The following BICDL1 variants were observed in gnomAD, a reference collection of about 807,000 sequenced individuals.
BICDL1 encodes the protein BICD family-like cargo adapter 1.
Under a neutral mutation model 76.8 loss-of-function variants are expected in BICDL1, and 20 were observed. The ratio of observed to expected loss-of-function variants is 0.26; its 90% CI spans 0.18 to 0.38. The LOEUF is 0.38. Among genes scored for constraint, BICDL1 ranks in the 10% least tolerant of loss-of-function variants. The probability of loss-of-function intolerance (pLI) is 1.00; values close to 1 mark genes in which losing one functional copy is unlikely to be tolerated. For missense variants in BICDL1, 700 were observed against 798.6 expected, an observed-to-expected ratio of 0.88 and a Z score of 1.49; for synonymous variants, 383 against 337.1, an observed-to-expected ratio of 1.14 and a Z score of -1.49.
intron 3 of BICDL1, 159 bp from the exon 4 acceptor site, chr12:120,064,574 C>T: frequency 1.6e-6 from 1 of 616,498 alleles, no homozygotes; most frequent in East Asian, 3.5e-5. Context: ...TTCTCTTCAG[C>T]TTAGGGTTTC....
chr12:120,059,782 G>T (rs1953064330), intron 2 of BICDL1, among the ~76,000 whole-genome samples: 1 of 151,868 alleles, frequency 6.6e-6, no homozygotes, highest in Non-Finnish European at 1.5e-5. Flanking sequence ...CACGATCATG[G>T]CTCACTGTAG....
intron 7 of BICDL1, among the ~76,000 whole-genome samples, chr12:120,077,019 G>A (rs1873603293): frequency 2.0e-5 from 3 of 152,216 alleles, no homozygotes; most frequent in African/African-American, 7.2e-5. Flanking sequence ...CCTTTTGGGG[G>A]CAAGGCCCAG....
intron 2 of BICDL1, among the ~76,000 whole-genome samples, chr12:120,043,925 A>T (rs1295568940): frequency 6.6e-6 from 1 of 152,222 alleles, no homozygotes; most frequent in African/African-American, 2.4e-5. Flanking sequence ...ATGTAAACAG[A>T]GTGTGTGATA....
chr12:119,989,271 T>C lies in BICDL1; in HGVS notation c.-598T>C, dbSNP rs7306494. Among the ~76,000 whole-genome samples, 1 of 149,808 alleles carries C rather than the reference T, an allele frequency of 6.7e-6. No homozygotes were observed. The highest frequency in any genetic ancestry group is 1.5e-5 in the Non-Finnish European group (1 of 67,142). On this transcript the variant is annotated 5_prime_UTR_variant, in exon 1 of 10. Transcript: ENST00000548673. ...TCGCCGGGTTGCGCGGCGCGCGATG[T>C]GGAGCCGCCGCCTCGGCCCCTGCAG... is the stretch of plus-strand genomic sequence containing the variant.
chr12:120,051,653 G>T (rs765451361), intron 2 of BICDL1, among the ~76,000 whole-genome samples: 1 of 151,932 alleles, frequency 6.6e-6, no homozygotes, highest in Admixed American at 6.6e-5. Context: ...AAAAAGTTAG[G>T]CTTAAAAAAG....
chr12:120,090,731 G>GT (rs1373998964), intron 9 of BICDL1: 5 of 405,344 alleles, frequency 1.2e-5, no homozygotes, highest in Non-Finnish European at 2.3e-5. Context: ...GCTTTACAAG[G>GT]TAAGCCCCCC....
In BICDL1 at chr12:120,093,463, G is replaced by A. The variant is rs910753755; in HGVS notation, c.*302G>A. ...CCTCCCAGAGGGGCCCCTTGGTGTT[G>A]GGCTTTGCAGCTCACACCCAACAGA... is the stretch of plus-strand genomic sequence containing the variant. On this transcript the variant is annotated 3_prime_UTR_variant, in exon 10 of 10. Coordinates refer to ENST00000548673, the MANE Select transcript of BICDL1 (RefSeq NM_001367886.1). The A allele has an allele frequency of 1.3e-5, 5 of 389,742 alleles. No individual in the cohort carries two copies. The highest frequency in any genetic ancestry group is 1.1e-4 in the African/African-American group (5 of 47,532). The allele number at this position is 389,742 out of a possible 1,614,324, so 24.1% of individuals were successfully genotyped here.
In BICDL1 at chr12:120,079,972, T is replaced by A. The variant is rs1873842288; in HGVS notation, c.1453-915T>A. ...GGCTTCTTTAGTTGGAGGTCAAGCCTTGTGTCACACCAAGTCTCACACAAC... is the reference window on the plus strand; with the variant it reads ...GGCTTCTTTAGTTGGAGGTCAAGCCATGTGTCACACCAAGTCTCACACAAC... On this transcript the variant is annotated intron_variant, in intron 7 of 9. Coordinates refer to ENST00000548673, the MANE Select transcript of BICDL1 (RefSeq NM_001367886.1). The surrounding 1 kb of genome is among the most constrained non-coding windows in gnomAD (Gnocchi z 4.3). 6.6e-6 allele frequency among the ~76,000 whole-genome samples: 1 copy of A among 152,242 alleles called. No homozygotes were observed. Among genetic ancestry groups the A allele is most frequent in the Admixed American group, 6.5e-5 (1 of 15,286 alleles).
chr12:120,071,521 A>T lies in BICDL1; in HGVS notation c.910-101A>T. On this transcript the variant is annotated intron_variant, in intron 4 of 9. Coordinates refer to ENST00000548673, the MANE Select transcript of BICDL1 (RefSeq NM_001367886.1). This position sits in a 1 kb window ranked among gnomAD's most constrained non-coding sequence, Gnocchi z 4.8. The stretch of plus-strand genomic sequence containing the variant: ...GTTCTTCTCTCCTATTTATTTTTCT[A>T]TAAATTGGTGGTTGGATCCAGAAGC... The T allele has an allele frequency of 1.4e-6, 2 of 1,408,892 alleles. No individual in the cohort carries two copies. The highest frequency in any genetic ancestry group is 1.9e-6 in the Non-Finnish European group (2 of 1,067,722). The allele number at this position is 1,408,892 out of a possible 1,614,324, so 87.3% of individuals were successfully genotyped here.
At position 120,090,842 on chromosome 12, in the gene BICDL1, C is replaced by T. The variant is rs1183181939; in HGVS notation, c.1704+771C>T. On this transcript the variant is annotated intron_variant, in intron 9 of 9. Transcript: ENST00000548673. ...AGGGTGCCCGTCCCTGGCTCCTTGG[C>T]TCCTGCATGGCAGCCAGCTGGCCGC... is the stretch of plus-strand genomic sequence containing the variant. The T allele has an allele frequency of 1.5e-5, 19 of 1,271,788 alleles. 1 individual carries two copies. The South Asian group carries it at 2.1e-4, about 14-fold the overall frequency. 78.8% of individuals were successfully genotyped at this position (1,271,788 alleles called of 1,614,324 possible). A position where few individuals can be genotyped will look rare whatever the true frequency, so the allele number is the denominator to read the frequency against.
chr12:120,039,200 G>A (rs1314774409), intron 2 of BICDL1, among the ~76,000 whole-genome samples: 2 of 152,036 alleles, frequency 1.3e-5, no homozygotes, highest in Admixed American at 1.3e-4. Flanking sequence ...GTGAGGCTAA[G>A]GCAGGAGAAT....
intron 2 of BICDL1, among the ~76,000 whole-genome samples, chr12:120,006,543 A>G (rs1951853921): frequency 6.6e-6 from 1 of 152,220 alleles, no homozygotes; most frequent in Non-Finnish European, 1.5e-5. Flanking sequence ...AAAACCAGGT[A>G]AGGAGGAGAA....
At chr12:120,000,175 AG>A (rs2138617530) in intron 2 of BICDL1, 1 of 154,524 alleles carries the variant, frequency 6.5e-6, no homozygotes, top group South Asian at 2.0e-4. Flanking sequence ...AATGATGCTT[AG>A]TAACTTGGAA....
intron 1 of BICDL1, among the ~76,000 whole-genome samples, chr12:119,996,682 AC>A (rs1362629149): frequency 6.2e-4 from 37 of 59,344 alleles, no homozygotes; most frequent in African/African-American, 6.0e-3. Flanking sequence ...ATATACAGAT[AC>A]ACACACACAC....
chr12:119,992,775 A>T (rs552271653), intron 1 of BICDL1: 3 of 152,334 alleles, frequency 2.0e-5, no homozygotes, highest in African/African-American at 7.2e-5. Flanking sequence ...GAAAAAAAAA[A>T]TTTATAATCT....
Position 120,040,751 on chromosome 12 carries a change from C to CTTTTTTTTTT in BICDL1, c.646-20953_646-20944dup, listed in dbSNP as rs57089775. ...ATGTTGGAACATTTAATAGGAAATA[C>CTTTTTTTTTT]TTTTTTTTTTTTTTTGTAGACAGTC... On this transcript the variant is annotated intron_variant, in intron 2 of 9. Coordinates refer to ENST00000548673, the MANE Select transcript of BICDL1 (RefSeq NM_001367886.1). Among the ~76,000 whole-genome samples, 44 of 134,282 alleles carry CTTTTTTTTTT rather than the reference C, an allele frequency of 3.3e-4. 1 individual carries two copies. Among genetic ancestry groups the CTTTTTTTTTT allele is most frequent in the African/African-American group, 1.1e-3 (35 of 32,594 alleles). 88.1% of individuals were successfully genotyped at this position (134,282 alleles called of 152,430 possible).
chr12:120,002,033 T>TA (rs200138322), intron 2 of BICDL1, among the ~76,000 whole-genome samples: 20 of 151,918 alleles, frequency 1.3e-4, no homozygotes, highest in African/African-American at 4.4e-4. Flanking sequence ...CTTTGTCTCT[T>TA]AAAAAAAAAT....
chr12:120,036,424 A>G (rs1952532193), intron 2 of BICDL1, among the ~76,000 whole-genome samples: 1 of 152,236 alleles, frequency 6.6e-6, no homozygotes, highest in African/African-American at 2.4e-5. Context: ...GAAACAAGCT[A>G]TAGAATCAGT....
chr12:120,040,465 C>T (rs1206059353), intron 2 of BICDL1, among the ~76,000 whole-genome samples: 3 of 152,078 alleles, frequency 2.0e-5, no homozygotes, highest in East Asian at 1.9e-4. Context: ...TTGGCTCTAT[C>T]GCCCAGGCTG....
Sources: gnomAD v4.1 joint callset for allele counts (sites outside exome capture counted in the v4.1 genomes callset) on GRCh38, gnomAD v4.1.1 for gene constraint, Gnocchi (gnomAD v3.1) non-coding constraint, MANE v1.5 for transcripts, NCBI Gene and HGNC (gene_info 2026-07-23, HGNC 2026-07-21) for gene names.